Variants in AR observed in about 807,000 individuals in gnomAD.
AR encodes dihydrotestosterone receptor.
Under a neutral mutation model 53.9 loss-of-function variants are expected in AR, and 8 were observed. That is an observed-to-expected ratio of 0.15 (90% CI 0.09 to 0.27). AR has a LOEUF of 0.27. AR is among the 10% of genes least tolerant of loss of function. AR has a pLI of 1.00. For synonymous variants in AR, 359 were observed against 316.4 expected (o/e 1.13, Z -1.43); for missense variants, 639 against 742.5 (o/e 0.86, Z 1.62).
intron 2 of AR, among the ~76,000 whole-genome samples, chrX:67,684,642 G>A (rs1428710389): frequency 2.7e-5 from 3 of 111,366 alleles, no homozygotes; most frequent in Non-Finnish European, 5.7e-5. Flanking sequence ...CAAATAAAAC[G>A]TTAAAAAGGA....
chrX:67,596,783 CAT>C (rs1923102489), intron 1 of AR, among the ~76,000 whole-genome samples: 3 of 112,300 alleles, frequency 2.7e-5, no homozygotes, highest in Admixed American at 1.9e-4. Context: ...CTTGAAAAGA[CAT>C]GTGTGGTGAT....
At chrX:67,615,158 G>T (rs977719649) in intron 1 of AR, among the ~76,000 whole-genome samples, 3 of 110,798 alleles carry the variant, frequency 2.7e-5, no homozygotes, top group African/African-American at 9.8e-5. Flanking sequence ...AGAGCAGAAA[G>T]AATATTTTTT....
intron 1 of AR, among the ~76,000 whole-genome samples, chrX:67,598,567 C>G (rs1465628657): frequency 9.0e-6 from 1 of 111,365 alleles, no homozygotes; most frequent in Non-Finnish European, 1.9e-5. Context: ...ATGTGAGCCA[C>G]CGCACCCCAC....
At chrX:67,608,854 TC>T (rs1299075903) in intron 1 of AR, among the ~76,000 whole-genome samples, 2 of 111,839 alleles carry the variant, frequency 1.8e-5, no homozygotes, top group African/African-American at 6.5e-5. Context: ...TTACTTCTTT[TC>T]CTTTGACATA....
chrX:67,659,940 T>C (rs1161140910), intron 2 of AR, among the ~76,000 whole-genome samples: 1 of 112,029 alleles, frequency 8.9e-6, no homozygotes, highest in Non-Finnish European at 1.9e-5. Context: ...TCTCGTGGTT[T>C]TGATTTGCAT....
rs768308322 is a variant in AR, at chrX:67,703,094, T to TA, written c.1886-8299dup. ...CCTCCTTCAAAAAATAAATAAAAACTAAAAAAAAAGTCAGTTCCAGGTTGT... is the reference window on the plus strand; with the variant it reads ...CCTCCTTCAAAAAATAAATAAAAACTAAAAAAAAAAGTCAGTTCCAGGTTGT... On this transcript the variant is annotated intron_variant, in intron 3 of 7. Transcript: ENST00000374690. 2.9e-4 allele frequency among the ~76,000 whole-genome samples: 32 copies of TA among 109,118 alleles called. No homozygotes were observed. The East Asian group carries it at 3.2e-3, about 11-fold the overall frequency. The allele number at this position is 109,118 out of a possible 115,157, so 94.8% of individuals were successfully genotyped here. A position where few individuals can be genotyped will look rare whatever the true frequency, so the allele number is the denominator to read the frequency against.
chrX:67,723,075 G>T (rs1569316174), intron 7 of AR, 91 bp downstream of exon 7: 2 of 1,057,315 alleles, frequency 1.9e-6, no homozygotes, highest in East Asian at 6.1e-5. Flanking sequence ...ACCACCTGTT[G>T]GGAGGTGCTT....
intron 1 of AR, among the ~76,000 whole-genome samples, chrX:67,613,015 G>A (rs1238016554): frequency 1.8e-5 from 2 of 112,142 alleles, no homozygotes; most frequent in Admixed American, 1.9e-4. Flanking sequence ...GAGGATTGGA[G>A]ATTCCTTCCA....
At chrX:67,607,115 C>T (rs981415362) in intron 1 of AR, among the ~76,000 whole-genome samples, 8 of 111,136 alleles carry the variant, frequency 7.2e-5, no homozygotes, top group Non-Finnish European at 1.3e-4. Context: ...CCACAACCTC[C>T]GCCTCCCAGG....
intron 1 of AR, among the ~76,000 whole-genome samples, chrX:67,613,682 A>G (rs970849000): frequency 1.8e-5 from 2 of 111,640 alleles, no homozygotes; most frequent in Non-Finnish European, 3.8e-5. Flanking sequence ...CCATCAGTAA[A>G]ATGTGGAGGG....
chrX:67,571,511 T>C (rs1004368779), intron 1 of AR, among the ~76,000 whole-genome samples: 1 of 111,584 alleles, frequency 9.0e-6, no homozygotes, highest in African/African-American at 3.3e-5. Flanking sequence ...AATAAAAGAC[T>C]AGGTTCAGTA....
At chrX:67,684,917 C>A (rs2075957402) in intron 2 of AR, among the ~76,000 whole-genome samples, 2 of 110,271 alleles carry the variant, frequency 1.8e-5, no homozygotes, top group South Asian at 3.9e-4. Context: ...GTTTCTCTTT[C>A]TTTTTCCGAC....
chrX:67,616,429 A>T (rs767742335), intron 1 of AR, among the ~76,000 whole-genome samples: 1 of 109,549 alleles, frequency 9.1e-6, no homozygotes, highest in Non-Finnish European at 1.9e-5. Flanking sequence ...ACTCCCACTT[A>T]TGAGTGAGAA....
chrX:67,657,114 C>A (rs1331464011), intron 2 of AR, among the ~76,000 whole-genome samples: 1 of 110,702 alleles, frequency 9.0e-6, no homozygotes, highest in Non-Finnish European at 1.9e-5. Flanking sequence ...AATTTTATTT[C>A]AATTTGGTTG....
chrX:67,643,382 G>A lies in AR; in HGVS notation c.1743G>A (p.Lys581=), dbSNP rs6154. ...GAGCTCTCACATGTGGAAGCTGCAA[G>A]GTCTTCTTCAAAAGAGCCGCTGAAG... is the stretch of plus-strand genomic sequence containing the variant. ...HYGALTCGSC[K]VFFKRAAEGK... is the part of the protein sequence containing the mutation. The change falls in exon 2 of 8, where the codon AAG becomes AAA. Residue 581 remains lysine, a synonymous_variant. Transcript: ENST00000374690. 6.0e-4 allele frequency: 721 copies of A among 1,209,202 alleles called. 3 individuals carry two copies. The African/African-American group carries it at 0.011, about 18-fold the overall frequency.
chrX:67,695,784 C>T, intron 3 of AR: 2 of 745,909 alleles, frequency 2.7e-6, no homozygotes, highest in Non-Finnish European at 3.2e-6. Context: ...CTCTCTCTCT[C>T]TCTCCCCCCC....
At chrX:67,591,311 C>T (rs994181379) in intron 1 of AR, among the ~76,000 whole-genome samples, 1 of 108,005 alleles carries the variant, frequency 9.3e-6, no homozygotes. Flanking sequence ...GAATATATAT[C>T]GCTGTAAGGT....
chrX:67,546,001 C>G lies in AR; in HGVS notation c.855C>G (p.Ala285=), dbSNP rs765750147. Residue 285 remains alanine (A), a synonymous_variant, in exon 1 of 8, where the codon GCC becomes GCG. Transcript: ENST00000374690. The part of the protein sequence containing the change: ...VPPAVRPTPC[A]PLAECKGSLL... The stretch of plus-strand genomic sequence containing the variant: ...CCGCTGTGCGTCCCACTCCTTGTGC[C>G]CCATTGGCCGAATGCAAAGGTTCTC... The G allele has an allele frequency of 2.5e-6, 3 of 1,212,230 alleles. No individual in the cohort carries two copies. Among genetic ancestry groups the G allele is most frequent in the East Asian group, 3.0e-5 (1 of 33,827 alleles).
chrX:67,651,278 A>G (rs1926329891), intron 2 of AR, among the ~76,000 whole-genome samples: 1 of 105,917 alleles, frequency 9.4e-6, no homozygotes, highest in Non-Finnish European at 1.9e-5. Flanking sequence ...CGAACTCCTG[A>G]CCTCGTGATC....
Sources: gnomAD v4.1 joint callset for allele counts (sites outside exome capture counted in the v4.1 genomes callset) on GRCh38, gnomAD v4.1.1 for gene constraint, MANE v1.5 for transcripts, NCBI Gene and HGNC (gene_info 2026-07-23, HGNC 2026-07-21) for gene names.